Variants in PTPRD observed in about 807,000 individuals in gnomAD.
PTPRD encodes the protein receptor-type tyrosine-protein phosphatase delta.
Under a neutral mutation model 214.5 loss-of-function variants are expected in PTPRD, and 34 were observed. The ratio of observed to expected loss-of-function variants is 0.16; its 90% confidence interval spans 0.12 to 0.21. The LOEUF is 0.21. Ranked by LOEUF, PTPRD falls within the 10% of genes least tolerant of loss-of-function variation. The pLI is 1.00. For synonymous variants in PTPRD, 1,128 were observed against 845.7 expected (o/e 1.33, Z -5.79); for missense variants, 2,545 against 2,398.7 (o/e 1.06, Z -1.27).
chr9:8,645,246 C>T (rs1054023395), intron 12 of PTPRD, among the ~76,000 whole-genome samples: 1 of 152,150 alleles, frequency 6.6e-6, no homozygotes, highest in Non-Finnish European at 1.5e-5. Flanking sequence ...AACATCATCC[C>T]AGGATCCAAT....
At position 8,528,583 on chromosome 9, in the gene PTPRD, G is replaced by T; in HGVS notation, c.541+8C>A. 1 of 1,612,390 alleles carries T rather than the reference G, an allele frequency of 6.2e-7. No individual in the cohort carries two copies. The highest frequency in any genetic ancestry group is 8.5e-7 in the Non-Finnish European group (1 of 1,178,938). On this transcript the variant is annotated splice_region_variant and intron_variant, in intron 15 of 45. Coordinates refer to ENST00000381196, the MANE Select transcript of PTPRD (RefSeq NM_002839.4). ...TAGGAGTTAGTAGAAACAGTAACAA[G>T]ACCCTACCTGATCGTAACTGCTTAA...
intron 3 of PTPRD, among the ~76,000 whole-genome samples, chr9:10,223,615 G>C (rs948833150): frequency 6.6e-6 from 1 of 150,466 alleles, no homozygotes; most frequent in Non-Finnish European, 1.5e-5. Flanking sequence ...ATTGAGCCAA[G>C]ATCACAATCA....
chr9:10,052,608 C>T (rs2097553724), intron 3 of PTPRD, among the ~76,000 whole-genome samples: 1 of 152,038 alleles, frequency 6.6e-6, no homozygotes, highest in East Asian at 1.9e-4. Context: ...ATGGTTATTA[C>T]CATCTCTATT....
At chr9:9,238,276 A>G (rs1312414630) in intron 9 of PTPRD, among the ~76,000 whole-genome samples, 1 of 152,024 alleles carries the variant, frequency 6.6e-6, no homozygotes, top group Non-Finnish European at 1.5e-5. Context: ...TGAGGATACC[A>G]AGGGTTAGTT....
intron 7 of PTPRD, among the ~76,000 whole-genome samples, chr9:9,665,871 T>A (rs2154383043): frequency 6.6e-6 from 1 of 152,040 alleles, no homozygotes; most frequent in South Asian, 2.1e-4. Flanking sequence ...GGTAATTTGA[T>A]TGAAGTGACA....
At chr9:8,617,907 G>C (rs2095665004) in intron 14 of PTPRD, among the ~76,000 whole-genome samples, 1 of 152,106 alleles carries the variant, frequency 6.6e-6, no homozygotes, top group South Asian at 2.1e-4. Flanking sequence ...GAGAACTAAA[G>C]ATGTACCGTC....
chr9:8,777,113 G>A (rs904861273), intron 11 of PTPRD, among the ~76,000 whole-genome samples: 2 of 151,764 alleles, frequency 1.3e-5, no homozygotes, highest in Non-Finnish European at 2.9e-5. Context: ...CCAAGTAGCT[G>A]GAACTACAGG....
At position 9,480,319 on chromosome 9, in the gene PTPRD, C is replaced by T. The variant is rs80066560; in HGVS notation, c.-236-82837G>A. ...TAAGTTCGGCTTGAGACATTGCTCACAAGGGAGAAAAGGCAGAATTGTTCC... is the reference window on the plus strand; with the variant it reads ...TAAGTTCGGCTTGAGACATTGCTCATAAGGGAGAAAAGGCAGAATTGTTCC... On this transcript the variant is annotated intron_variant, in intron 8 of 45. Coordinates refer to ENST00000381196, the MANE Select transcript of PTPRD (RefSeq NM_002839.4). Among the ~76,000 whole-genome samples, 810 of 152,214 alleles carry T rather than the reference C, an allele frequency of 5.3e-3. 6 individuals are homozygous for T. The highest frequency in any genetic ancestry group is 0.018 in the African/African-American group (732 of 41,546).
intron 35 of PTPRD, among the ~76,000 whole-genome samples, chr9:8,410,072 C>A (rs762418086): frequency 6.6e-6 from 1 of 152,122 alleles, no homozygotes; most frequent in Non-Finnish European, 1.5e-5. Context: ...TGCAATTATG[C>A]CTTTTAAAAT....
chr9:9,140,825 G>C (rs1475689447), intron 10 of PTPRD, among the ~76,000 whole-genome samples: 1 of 152,030 alleles, frequency 6.6e-6, no homozygotes, highest in Non-Finnish European at 1.5e-5. Context: ...TGATCTGCCC[G>C]CCTCAGCCTC....
intron 39 of PTPRD, among the ~76,000 whole-genome samples, chr9:8,361,733 C>T (rs1442123220): frequency 2.6e-5 from 4 of 152,110 alleles, no homozygotes; most frequent in Non-Finnish European, 4.4e-5. Flanking sequence ...CTGTGTGATG[C>T]GTGCTTGGGG....
intron 10 of PTPRD, among the ~76,000 whole-genome samples, chr9:9,059,125 G>A (rs1053416399): frequency 1.6e-4 from 25 of 152,146 alleles, no homozygotes; most frequent in African/African-American, 5.8e-4. Flanking sequence ...AAAAATATAA[G>A]GAGAGAACAG....
At chr9:10,603,524 C>A (rs1319197226) in intron 2 of PTPRD, among the ~76,000 whole-genome samples, 1 of 151,870 alleles carries the variant, frequency 6.6e-6, no homozygotes, top group Non-Finnish European at 1.5e-5. Flanking sequence ...TACTAATATG[C>A]ACATCTGGGA....
chr9:10,457,157 G>A (rs909341263), intron 2 of PTPRD, among the ~76,000 whole-genome samples: 2 of 151,810 alleles, frequency 1.3e-5, no homozygotes. Flanking sequence ...TGTAGAGCTG[G>A]AGTTTCAGTA....
chr9:9,672,626 T>G (rs557531514), intron 7 of PTPRD, among the ~76,000 whole-genome samples: 2 of 152,070 alleles, frequency 1.3e-5, no homozygotes, highest in Non-Finnish European at 2.9e-5. Context: ...AGAATGAGAT[T>G]TGAAGTAAAT....
Position 10,292,480 on chromosome 9 carries a change from C to A in PTPRD, c.-545+48483G>T, listed in dbSNP as rs77485399. Among the ~76,000 whole-genome samples the A allele has an allele frequency of 8.2e-3, 1,248 of 152,040 alleles. 17 individuals carry two copies. Among genetic ancestry groups the A allele is most frequent in the African/African-American group, 0.029 (1,190 of 41,510 alleles). On this transcript the variant is annotated intron_variant, in intron 3 of 45. Transcript: ENST00000381196. ...AAGCAAAAGTCTCAAAAATTGTCTACAAAGATCATATGATCTGTACAGCCT... is the reference window on the plus strand; with the variant it reads ...AAGCAAAAGTCTCAAAAATTGTCTAAAAAGATCATATGATCTGTACAGCCT...
intron 27 of PTPRD, among the ~76,000 whole-genome samples, chr9:8,490,622 A>G (rs561562677): frequency 2.6e-5 from 4 of 152,228 alleles, no homozygotes; most frequent in Non-Finnish European, 5.9e-5. Flanking sequence ...CAGACAGTAA[A>G]CTAATTATTA....
chr9:9,572,060 C>T (rs926582666), intron 8 of PTPRD, among the ~76,000 whole-genome samples: 4 of 150,986 alleles, frequency 2.6e-5, no homozygotes, highest in Non-Finnish European at 5.9e-5. Context: ...AATGAAAAAA[C>T]CCTAATAAAC....
chr9:9,754,550 A>C (rs545524279), intron 6 of PTPRD, among the ~76,000 whole-genome samples: 1 of 152,144 alleles, frequency 6.6e-6, no homozygotes, highest in South Asian at 2.1e-4. Flanking sequence ...AGCATCTTTG[A>C]GACATTTTAT....
Sources: allele counts gnomAD v4.1 joint callset (sites outside exome capture counted in the v4.1 genomes callset), GRCh38; gene constraint gnomAD v4.1.1; transcripts MANE v1.5; gene names NCBI Gene and HGNC (gene_info 2026-07-23, HGNC 2026-07-21).